Variants in RABGAP1L observed in about 807,000 individuals in gnomAD.
RABGAP1L encodes the protein RAB GTPase activating protein 1 like.
RABGAP1L carries 63 observed loss-of-function variants against 137.7 expected under a neutral mutation model. The observed-to-expected ratio is 0.46, with a 90% CI of 0.37 to 0.56. The LOEUF is 0.56. RABGAP1L is among the 20% of genes least tolerant of loss of function. The pLI, the probability that RABGAP1L is intolerant of heterozygous loss-of-function variation, is 0.00. For missense variants in RABGAP1L, 1,095 were observed against 1,244.0 expected (o/e 0.88, Z 1.80); for synonymous variants, 431 against 433.7 (o/e 0.99, Z 0.08).
chr1:174,448,946 C>T lies in RABGAP1L; in HGVS notation c.1710+54801C>T, dbSNP rs749164986. ...AACCAGTGTATTTTATATGCTGTGG[C>T]TCCCCTATATAATTTACTTTCTTCT... On this transcript the variant is annotated intron_variant, in intron 13 of 25. Transcript: ENST00000681986. This position sits in a 1 kb window ranked among gnomAD's most constrained non-coding sequence, Gnocchi z 4.2. 5 of 1,613,760 alleles carry T rather than the reference C, an allele frequency of 3.1e-6. No homozygotes were observed. In the Admixed American group the frequency reaches 8.3e-5, roughly 27 times the overall value.
chr1:174,936,382 T>G (rs1290070626), intron 19 of RABGAP1L, among the ~76,000 whole-genome samples: 2 of 152,002 alleles, frequency 1.3e-5, no homozygotes, highest in Non-Finnish European at 2.9e-5. Flanking sequence ...GCAGGCAGAT[T>G]GCTTGAGCCC....
intron 15 of RABGAP1L, 132 bp downstream of exon 15, chr1:174,683,728 A>G: frequency 1.7e-6 from 1 of 591,846 alleles, no homozygotes; most frequent in Non-Finnish European, 2.8e-6. Context: ...TTTAAAATGT[A>G]CGTTAGGTGA....
At chr1:174,586,956 T>G (rs529329884) in intron 13 of RABGAP1L, among the ~76,000 whole-genome samples, 19 of 152,052 alleles carry the variant, frequency 1.2e-4, no homozygotes, top group Admixed American at 8.5e-4. Context: ...TGTCCATGTG[T>G]TCTCATTGTT....
Position 174,851,294 on chromosome 1 carries a change from G to A in RABGAP1L, c.2340+39334G>A, listed in dbSNP as rs528507012. ...GAGCCATATTCCCTCCAGTCTGGGT[G>A]TGATGGGTAGTGCCAAAGAAGCTGC... On this transcript the variant is annotated intron_variant, in intron 19 of 25. Transcript: ENST00000681986. 7.2e-5 allele frequency among the ~76,000 whole-genome samples: 11 copies of A among 152,358 alleles called. No individual in the cohort carries two copies. In the East Asian group the frequency reaches 1.9e-3, roughly 27 times the overall value.
At chr1:174,838,137 C>T (rs986668040) in intron 19 of RABGAP1L, among the ~76,000 whole-genome samples, 3 of 152,242 alleles carry the variant, frequency 2.0e-5, no homozygotes, top group East Asian at 1.9e-4. Flanking sequence ...GCAGTGATTA[C>T]GTGTAAGTAT....
At chr1:174,428,900 A>G (rs1652272146) in intron 13 of RABGAP1L, among the ~76,000 whole-genome samples, 1 of 152,246 alleles carries the variant, frequency 6.6e-6, no homozygotes, top group Non-Finnish European at 1.5e-5. Flanking sequence ...TATTAATCTA[A>G]TGTTATAAAT....
At chr1:174,697,238 A>G (rs1679324500) in intron 15 of RABGAP1L, among the ~76,000 whole-genome samples, 1 of 152,252 alleles carries the variant, frequency 6.6e-6, no homozygotes, top group Non-Finnish European at 1.5e-5. Context: ...CCTTTATAAG[A>G]CATCAGATGG....
chr1:174,843,117 A>G (rs1308762276), intron 19 of RABGAP1L, among the ~76,000 whole-genome samples: 1 of 152,138 alleles, frequency 6.6e-6, no homozygotes, highest in Non-Finnish European at 1.5e-5. Context: ...AGTAATTTTA[A>G]TTAGATTCTA....
intron 13 of RABGAP1L, among the ~76,000 whole-genome samples, chr1:174,564,934 A>G (rs1200700763): frequency 1.3e-5 from 2 of 152,062 alleles, no homozygotes; most frequent in Non-Finnish European, 2.9e-5. Flanking sequence ...CCTGCCCGAA[A>G]AAAGTTATTT....
chr1:174,170,329 TATC>T (rs1281358070), intron 1 of RABGAP1L, among the ~76,000 whole-genome samples: 2 of 152,166 alleles, frequency 1.3e-5, no homozygotes, highest in Admixed American at 6.5e-5. Flanking sequence ...ACGATTATAA[TATC>T]ATCTCCAGTT....
intron 20 of RABGAP1L, among the ~76,000 whole-genome samples, chr1:174,961,475 T>C (rs1474924264): frequency 2.6e-5 from 4 of 152,228 alleles, no homozygotes; most frequent in African/African-American, 9.6e-5. Context: ...GTAGCCTTCA[T>C]CTACCTTTGG....
Position 174,451,278 on chromosome 1 carries a change from A to T in RABGAP1L, c.1710+57133A>T, listed in dbSNP as rs551187895. On this transcript the variant is annotated intron_variant, in intron 13 of 25. Transcript: ENST00000681986. ...CATATAAGACTTCTAAATTATACAT[A>T]TTATTTGGGAATCGTATTTTTATTT... Among the ~76,000 whole-genome samples the T allele has an allele frequency of 1.9e-4, 29 of 152,316 alleles. 2 individuals are homozygous for T. In the East Asian group the frequency reaches 5.6e-3, roughly 29 times the overall value.
At chr1:174,545,119 C>G (rs1381494714) in intron 13 of RABGAP1L, 1 of 152,716 alleles carries the variant, frequency 6.5e-6, no homozygotes, top group Admixed American at 6.5e-5. Context: ...AGAACCACTA[C>G]TCTCTTCAAA....
intron 1 of RABGAP1L, among the ~76,000 whole-genome samples, chr1:174,185,237 G>A (rs748238950): frequency 4.6e-5 from 7 of 152,170 alleles, no homozygotes; most frequent in Non-Finnish European, 1.0e-4. Context: ...TTAGGTTGGT[G>A]CAAAAATGAT....
At chr1:174,536,931 A>T (rs929819494) in intron 13 of RABGAP1L, among the ~76,000 whole-genome samples, 12 of 152,138 alleles carry the variant, frequency 7.9e-5, no homozygotes, top group African/African-American at 2.9e-4. Context: ...TTGGGGAAAA[A>T]ATAGGGTGAA....
intron 11 of RABGAP1L, among the ~76,000 whole-genome samples, chr1:174,340,150 T>C (rs1681845996): frequency 1.3e-5 from 2 of 152,232 alleles, no homozygotes; most frequent in South Asian, 2.1e-4. Context: ...TTACATGATA[T>C]GAAACATTAT....
intron 13 of RABGAP1L, among the ~76,000 whole-genome samples, chr1:174,513,026 G>T (rs1662494093): frequency 6.6e-6 from 1 of 152,120 alleles, no homozygotes; most frequent in South Asian, 2.1e-4. Flanking sequence ...ATAAGTTTCT[G>T]TTATAGTACC....
At chr1:174,295,874 G>A (rs1403259187) in intron 10 of RABGAP1L, among the ~76,000 whole-genome samples, 1 of 152,140 alleles carries the variant, frequency 6.6e-6, no homozygotes, top group Non-Finnish European at 1.5e-5. Flanking sequence ...TGTTTAGCAA[G>A]CAGTTGGATA....
intron 1 of RABGAP1L, among the ~76,000 whole-genome samples, chr1:174,209,888 C>T (rs1343535680): frequency 1.3e-5 from 2 of 152,168 alleles, no homozygotes; most frequent in Non-Finnish European, 2.9e-5. Flanking sequence ...CCCCAGGTGG[C>T]ACAGAACAGA....
Sources: gnomAD v4.1 joint callset for allele counts (sites outside exome capture counted in the v4.1 genomes callset) on GRCh38, gnomAD v4.1.1 for gene constraint, Gnocchi (gnomAD v3.1) non-coding constraint, MANE v1.5 for transcripts, NCBI Gene and HGNC (gene_info 2026-07-23, HGNC 2026-07-21) for gene names.